TMEM19: variants seen among roughly 807,000 people sequenced by gnomAD.
TMEM19 encodes transmembrane protein 19.
Under a neutral mutation model 33.6 loss-of-function variants are expected in TMEM19, and 21 were observed. The ratio of observed to expected loss-of-function variants is 0.62; its 90% CI spans 0.44 to 0.90. The LOEUF is 0.90. Ranked by LOEUF, TMEM19 falls within the 40% of genes least tolerant of loss-of-function variation. The probability of loss-of-function intolerance (pLI) is 0.00; values close to 1 mark genes in which losing one functional copy is unlikely to be tolerated. For missense variants in TMEM19, 402 were observed against 401.8 expected (o/e 1.00, Z 0.00); for synonymous variants, 149 against 147.5 (o/e 1.01, Z -0.07).
intron 5 of TMEM19, chr12:71,699,644 A>G (rs998294367): frequency 6.4e-6 from 1 of 157,108 alleles, no homozygotes; most frequent in African/African-American, 2.4e-5. Context: ...GGAGGTCAGG[A>G]GTTCGAGACT....
chr12:71,689,001 A>G (rs1162754792), intron 1 of TMEM19, among the ~76,000 whole-genome samples: 1 of 152,178 alleles, frequency 6.6e-6, no homozygotes, highest in Non-Finnish European at 1.5e-5. Flanking sequence ...TTCATTTTAA[A>G]TATCTAGATA....
intron 2 of TMEM19, among the ~76,000 whole-genome samples, chr12:71,691,174 A>T (rs1008377200): frequency 6.6e-6 from 1 of 152,192 alleles, no homozygotes; most frequent in African/African-American, 2.4e-5. Flanking sequence ...AAATCATGCC[A>T]ATTCTCTTCA....
Position 71,697,362 on chromosome 12 carries a change from C to A in TMEM19, c.465C>A (p.Gly155=). 1 of 1,611,144 alleles carries A rather than the reference C, an allele frequency of 6.2e-7. No homozygotes were observed. Among genetic ancestry groups the A allele is most frequent in the South Asian group, 1.1e-5 (1 of 90,478 alleles). ...ELALLYMIEN[G]PGEIPVDFSK... ...CCCTGCTGTACATGATAGAAAATGG[C>A]CCCGGGGAAATCCCAGTCGATTTTT... The change falls in exon 4 of 6, where the codon GGC becomes GGA. Residue 155 remains glycine, a synonymous_variant. Transcript: ENST00000266673.
In TMEM19 at chr12:71,703,207, A is replaced by T. The variant is rs1164077317; in HGVS notation, c.*2212A>T. ...CATCTCAAAAAAAAAAAAAAAAAAA[A>T]AAAAAAAAAAAAAAAAAAAGAATAT... On this transcript the variant is annotated 3_prime_UTR_variant, in exon 6 of 6. Transcript: ENST00000266673. 3 of 92,574 alleles carry T rather than the reference A, an allele frequency of 3.2e-5. No individual in the cohort carries two copies. The highest frequency in any genetic ancestry group is 1.1e-4 in the African/African-American group (2 of 18,220). The allele number at this position is 92,574 out of a possible 1,614,324, so 5.7% of individuals were successfully genotyped here. A position where few individuals can be genotyped will look rare whatever the true frequency, so the allele number is the denominator to read the frequency against.
chr12:71,687,194 T>C (rs1333253286), intron 1 of TMEM19, among the ~76,000 whole-genome samples: 1 of 152,224 alleles, frequency 6.6e-6, no homozygotes, highest in African/African-American at 2.4e-5. Flanking sequence ...TTATATTTTA[T>C]GTAACTATTC....
chr12:71,687,662 T>C (rs757424267), intron 1 of TMEM19, among the ~76,000 whole-genome samples: 1 of 152,196 alleles, frequency 6.6e-6, no homozygotes, highest in South Asian at 2.1e-4. Context: ...GAAGGACTTA[T>C]CTGCCATTTG....
At position 71,701,683 on chromosome 12, in the gene TMEM19, A is replaced by T. The variant is rs1881982300; in HGVS notation, c.*688A>T. 1 of 152,236 alleles carries T rather than the reference A, an allele frequency of 6.6e-6. No individual in the cohort carries two copies. The highest frequency in any genetic ancestry group is 2.1e-4 in the South Asian group (1 of 4,832). The allele number at this position is 152,236 out of a possible 1,614,324, so 9.4% of individuals were successfully genotyped here. On this transcript the variant is annotated 3_prime_UTR_variant, in exon 6 of 6. Transcript: ENST00000266673. ...AGCAAAAGAATTTTATCTTATATCT[A>T]AAAAATATATAACTTACTATATGTT...
intron 1 of TMEM19, 99 bp from the exon 2 acceptor site, chr12:71,689,492 T>C (rs763901581): frequency 7.1e-6 from 6 of 844,872 alleles, no homozygotes; most frequent in East Asian, 2.4e-5. Context: ...TTTGTACTTA[T>C]GACAGTATTT....
At position 71,700,941 on chromosome 12, in the gene TMEM19, TC is replaced by T; in HGVS notation, c.958del (p.Ile321LeufsTer25). On this transcript the variant is annotated frameshift_variant, in exon 6 of 6. Coordinates refer to ENST00000266673, the MANE Select transcript of TMEM19 (RefSeq NM_018279.4). LOFTEE classifies it high-confidence loss of function. Reference sequence around the variant, plus strand: ...ACGCAGTGAATCTGTTTTCTTCTGTTCTTATTGCCCTCTTGCTCCCAACTGC... The same window carrying T: ...ACGCAGTGAATCTGTTTTCTTCTGTTTTATTGCCCTCTTGCTCCCAACTGC... Reference protein sequence around the residue: ...NNAVNLFSSVLIALLLPTAAW... With the variant: ...NNAVNLFSSVXIALLLPTAAW... 2 of 1,613,650 alleles carry T rather than the reference TC, an allele frequency of 1.2e-6. No homozygotes were observed. The highest frequency in any genetic ancestry group is 2.2e-5 in the South Asian group (2 of 91,020).
chr12:71,699,359 A>G (rs1881936837), intron 5 of TMEM19: 1 of 576,850 alleles, frequency 1.7e-6, no homozygotes, highest in East Asian at 2.8e-5. Flanking sequence ...CAGAGAACAG[A>G]CGTTTTTGTG....
intron 4 of TMEM19, among the ~76,000 whole-genome samples, 159 bp downstream of exon 4, chr12:71,697,693 C>T (rs900354137): frequency 1.2e-4 from 18 of 151,856 alleles, no homozygotes; most frequent in African/African-American, 3.4e-4. Context: ...AAATTTCTGT[C>T]GACTATTAAA....
In TMEM19 at chr12:71,703,997, A is replaced by G. The variant is rs1705788885; in HGVS notation, c.*3002A>G. On this transcript the variant is annotated 3_prime_UTR_variant, in exon 6 of 6. Coordinates refer to ENST00000266673, the MANE Select transcript of TMEM19 (RefSeq NM_018279.4). ...TGCAGAATGGGCAGTTCATGTTAAA[A>G]TCACTTTTCATGGAAAGAGCTCTAT... is the stretch of plus-strand genomic sequence containing the variant. 1 of 453,732 alleles carries G rather than the reference A, an allele frequency of 2.2e-6. No homozygotes were observed. The highest frequency in any genetic ancestry group is 4.4e-6 in the Non-Finnish European group (1 of 225,580). The allele number at this position is 453,732 out of a possible 1,614,324, so 28.1% of individuals were successfully genotyped here.
intron 2 of TMEM19, among the ~76,000 whole-genome samples, chr12:71,695,996 T>C (rs1881864244): frequency 6.6e-6 from 1 of 152,108 alleles, no homozygotes; most frequent in South Asian, 2.1e-4. Flanking sequence ...TATCTGAACT[T>C]TGAGCTAAGC....
Position 71,701,587 on chromosome 12 carries a change from A to G in TMEM19, c.*592A>G, listed in dbSNP as rs904025674. 2 of 152,230 alleles carry G rather than the reference A, an allele frequency of 1.3e-5. No individual in the cohort carries two copies. The highest frequency in any genetic ancestry group is 2.9e-5 in the Non-Finnish European group (2 of 68,048). 9.4% of individuals were successfully genotyped at this position (152,230 alleles called of 1,614,324 possible). A position where few individuals can be genotyped will look rare whatever the true frequency, so the allele number is the denominator to read the frequency against. On this transcript the variant is annotated 3_prime_UTR_variant, in exon 6 of 6. Coordinates refer to ENST00000266673, the MANE Select transcript of TMEM19 (RefSeq NM_018279.4). The stretch of plus-strand genomic sequence containing the variant: ...CATTTGTTCTTCCTTCCTCAGGGTT[A>G]GTGATGAAAAAAAGTAAATATCTTT...
At chr12:71,690,002 C>T (rs1881758119) in intron 2 of TMEM19, among the ~76,000 whole-genome samples, 1 of 152,206 alleles carries the variant, frequency 6.6e-6, no homozygotes, top group Non-Finnish European at 1.5e-5. Context: ...CCAGCAGAAA[C>T]ACTGGAGCAC....
At position 71,696,549 on chromosome 12, in the gene TMEM19, C is replaced by G. The variant is rs767516246; in HGVS notation, c.358C>G (p.Arg120Gly). The part of the protein sequence containing the change: ...LTKWKGEVKK[R>G]LDSEYKEGGQ... ...TAAATGGAAGGGAGAAGTGAAGAAG[C>G]GTCTAGATTCAGAATATAAGGAAGG... Residue 120 changes from arginine (R) to glycine (G), a missense_variant, in exon 3 of 6, where the codon CGT becomes GGT. Arg to Gly is a moderately radical substitution (Grantham distance 125). Transcript: ENST00000266673. 2 of 1,607,572 alleles carry G rather than the reference C, an allele frequency of 1.2e-6. No individual in the cohort carries two copies. The highest frequency in any genetic ancestry group is 4.5e-5 in the East Asian group (2 of 44,754).
intron 4 of TMEM19, among the ~76,000 whole-genome samples, 166 bp from the exon 5 acceptor site, chr12:71,698,734 G>T (rs533715795): frequency 8.5e-5 from 13 of 152,172 alleles, no homozygotes; most frequent in African/African-American, 2.9e-4. Flanking sequence ...AATGTCAAGA[G>T]TTACCGAGGA....
chr12:71,686,884 C>CA (rs1343404638), intron 1 of TMEM19, 74 bp downstream of exon 1: 78 of 1,447,158 alleles, frequency 5.4e-5, no homozygotes, highest in Non-Finnish European at 7.0e-5. Context: ...TTGTGAAATC[C>CA]AAAACTCATA....
At chr12:71,694,059 T>C (rs1362089888) in intron 2 of TMEM19, among the ~76,000 whole-genome samples, 1 of 152,202 alleles carries the variant, frequency 6.6e-6, no homozygotes, top group Non-Finnish European at 1.5e-5. Flanking sequence ...ATGACTTTAG[T>C]GTGTCTAGGA....
Sources: gnomAD v4.1 joint callset for allele counts (sites outside exome capture counted in the v4.1 genomes callset) on GRCh38, gnomAD v4.1.1 for gene constraint, MANE v1.5 for transcripts, NCBI Gene and HGNC (gene_info 2026-07-23, HGNC 2026-07-21) for gene names.